CHORDC1: variants seen among roughly 807,000 people sequenced by gnomAD.
CHORDC1 encodes cysteine and histidine-rich domain-containing protein 1.
Under a neutral mutation model 48.3 loss-of-function variants are expected in CHORDC1, and 25 were observed. The observed-to-expected ratio is 0.52, with a 90% CI of 0.38 to 0.72. CHORDC1 has a LOEUF of 0.72. Ranked by LOEUF, CHORDC1 falls within the 30% of genes least tolerant of loss-of-function variation. The pLI is 0.00. For missense variants in CHORDC1, 317 were observed against 388.7 expected (o/e 0.82, Z 1.55); for synonymous variants, 128 against 126.4 (o/e 1.01, Z -0.09).
Position 90,209,776 on chromosome 11 carries a change from A to C in CHORDC1, c.492+760T>G, listed in dbSNP as rs111421924. On this transcript the variant is annotated intron_variant, in intron 6 of 10. Transcript: ENST00000320585. The stretch of plus-strand genomic sequence containing the variant: ...ATCCCACTGTCTGGTCTTCCACAAT[A>C]GCATCCTAGCTGGTTTCTCTTCTTC... Among the ~76,000 whole-genome samples, 475 of 152,266 alleles carry C rather than the reference A, an allele frequency of 3.1e-3. 3 individuals are homozygous for C. Among genetic ancestry groups the C allele is most frequent in the African/African-American group, 0.011 (451 of 41,558 alleles).
intron 6 of CHORDC1, among the ~76,000 whole-genome samples, chr11:90,209,711 G>A (rs11018915): frequency 0.43 from 64,862 of 151,808 alleles, 14,351 homozygotes; most frequent in East Asian, 0.59. Context: ...ATGTTTGACC[G>A]CATCCCACAT....
intron 1 of CHORDC1, among the ~76,000 whole-genome samples, chr11:90,220,679 C>A (rs1858147474): frequency 6.6e-6 from 1 of 152,106 alleles, no homozygotes; most frequent in Non-Finnish European, 1.5e-5. Context: ...AATGGACATT[C>A]TTCATTCTTT....
At position 90,202,473 on chromosome 11, in the gene CHORDC1, G is replaced by C. The variant is rs1204404046; in HGVS notation, c.931C>G (p.Gln311Glu). 3.7e-6 allele frequency: 6 copies of C among 1,612,168 alleles called. No homozygotes were observed. Among genetic ancestry groups the C allele is most frequent in the Non-Finnish European group, 5.1e-6 (6 of 1,179,550 alleles). The change falls in exon 11 of 11, where the codon CAG becomes GAG. Residue 311 changes from glutamine (Q) to glutamate (E), a missense_variant. Gln to Glu is a conservative substitution (Grantham distance 29, BLOSUM62 2). Coordinates refer to ENST00000320585, the MANE Select transcript of CHORDC1 (RefSeq NM_012124.3). ...GCAGGCAGTTCAAGGCTTGCCCACT[G>C]CATCGGTTCAGCTTTTCTCATAGTG... is the stretch of plus-strand genomic sequence containing the variant. ...EITMRKAEPM[Q>E]WASLELPAAK...
chr11:90,203,434 T>C lies in CHORDC1; in HGVS notation c.670-7A>G, dbSNP rs960489588. On this transcript the variant is annotated splice_polypyrimidine_tract_variant and splice_region_variant and intron_variant, in intron 8 of 10. Transcript: ENST00000320585. ...ATGGAACAACTTTTTTCCCCTGTAATGTAAGAGAAACTCTGTAAGTTAAAA... is the reference window on the plus strand; with the variant it reads ...ATGGAACAACTTTTTTCCCCTGTAACGTAAGAGAAACTCTGTAAGTTAAAA... 3.3e-6 allele frequency: 5 copies of C among 1,538,298 alleles called. No homozygotes were observed. The African/African-American group carries it at 4.0e-5, about 12-fold the overall frequency.
intron 9 of CHORDC1, 137 bp from the exon 10 acceptor site, chr11:90,203,012 GAGAAAAGCCACTGACAAAAA>G: frequency 2.6e-6 from 3 of 1,141,278 alleles, no homozygotes; most frequent in Non-Finnish European, 3.6e-6. Context: ...TGTTTCATAT[GAGAAAAGCCACTGACAAAAA>G]AGAATAACTG....
At chr11:90,217,895 C>T (rs76365951) in intron 2 of CHORDC1, 171 of 177,214 alleles carry the variant, frequency 9.6e-4, no homozygotes, top group Middle Eastern at 2.1e-3. Context: ...AACTCCATCT[C>T]AAAAAAAAAA....
chr11:90,207,908 A>G (rs1038680759), intron 6 of CHORDC1: 8 of 152,102 alleles, frequency 5.3e-5, no homozygotes, highest in African/African-American at 1.9e-4. Context: ...TGTTAATGCT[A>G]AAGATATACA....
At position 90,222,980 on chromosome 11, in the gene CHORDC1, G is replaced by T; in HGVS notation, c.-26C>A. On this transcript the variant is annotated 5_prime_UTR_variant, in exon 1 of 11. Coordinates refer to ENST00000320585, the MANE Select transcript of CHORDC1 (RefSeq NM_012124.3). ...TTTCTTTTCCCACCGTCACAGGCAA[G>T]GCCCAAACACCGGGAACGGCAAGAG... is the stretch of plus-strand genomic sequence containing the variant. 2 of 1,602,002 alleles carry T rather than the reference G, an allele frequency of 1.2e-6. No homozygotes were observed. Among genetic ancestry groups the T allele is most frequent in the East Asian group, 2.2e-5 (1 of 44,776 alleles).
chr11:90,201,162 A>T lies in CHORDC1; in HGVS notation c.*1243T>A, dbSNP rs1857535616. ...CTTCTGCAAATTTTTCTTTGTAAGA[A>T]TTCCATAAATACCAAGGAAAAGAAA... On this transcript the variant is annotated 3_prime_UTR_variant, in exon 11 of 11. Coordinates refer to ENST00000320585, the MANE Select transcript of CHORDC1 (RefSeq NM_012124.3). 1 of 152,028 alleles carries T rather than the reference A, an allele frequency of 6.6e-6. No homozygotes were observed. The highest frequency in any genetic ancestry group is 2.4e-5 in the African/African-American group (1 of 41,464). 9.4% of individuals were successfully genotyped at this position (152,028 alleles called of 1,614,324 possible). A position where few individuals can be genotyped will look rare whatever the true frequency, so the allele number is the denominator to read the frequency against.
chr11:90,215,251 A>C, intron 2 of CHORDC1, 21 bp from the exon 3 acceptor site: 1 of 1,499,356 alleles, frequency 6.7e-7, no homozygotes, highest in Admixed American at 2.1e-5. Flanking sequence ...CAAGAGAAGG[A>C]AACTAAAAAC....
chr11:90,213,701 G>T, intron 4 of CHORDC1: 1 of 456,798 alleles, frequency 2.2e-6, no homozygotes, highest in South Asian at 4.8e-5. Flanking sequence ...CTGCTTCAAA[G>T]AATTTTACCA....
chr11:90,218,390 C>G (rs1384694625), intron 1 of CHORDC1, among the ~76,000 whole-genome samples: 1 of 152,052 alleles, frequency 6.6e-6, no homozygotes, highest in Non-Finnish European at 1.5e-5. Context: ...CATATGATGA[C>G]TAAGGACAAA....
chr11:90,204,119 A>C (rs1344256214), intron 8 of CHORDC1, among the ~76,000 whole-genome samples: 1 of 152,124 alleles, frequency 6.6e-6, no homozygotes, highest in African/African-American at 2.4e-5. Context: ...GTTTTGATAA[A>C]ATTACATTAA....
At chr11:90,204,065 A>G (rs1007861545) in intron 8 of CHORDC1, among the ~76,000 whole-genome samples, 2 of 152,178 alleles carry the variant, frequency 1.3e-5, no homozygotes, top group East Asian at 3.8e-4. Flanking sequence ...TAGTTACATA[A>G]TTCAGGAAAC....
At position 90,202,712 on chromosome 11, in the gene CHORDC1, A is replaced by C. The variant is rs540273133; in HGVS notation, c.852+101T>G. On this transcript the variant is annotated intron_variant, in intron 10 of 10. Transcript: ENST00000320585. ...TTGGTAGGATACACTGTTAAGTTAT[A>C]CATCTATACTTTGCATCAATGTTTA... 128 of 1,408,828 alleles carry C rather than the reference A, an allele frequency of 9.1e-5. 1 individual carries two copies. In the African/African-American group the frequency reaches 1.8e-3, roughly 20 times the overall value. The allele number at this position is 1,408,828 out of a possible 1,614,324, so 87.3% of individuals were successfully genotyped here.
At chr11:90,205,952 C>A in intron 7 of CHORDC1, 2 of 497,896 alleles carry the variant, frequency 4.0e-6, no homozygotes, top group East Asian at 3.8e-5. Flanking sequence ...CTTTTAAATA[C>A]AGAATATGAA....
intron 7 of CHORDC1, 83 bp downstream of exon 7, chr11:90,206,119 A>G (rs764462765): frequency 8.2e-6 from 7 of 858,072 alleles, no homozygotes; most frequent in Admixed American, 5.7e-5. Context: ...ATAACACTGC[A>G]TGGCAAACAA....
chr11:90,203,551 G>A (rs1857593775), intron 8 of CHORDC1, 124 bp from the exon 9 acceptor site: 12 of 738,860 alleles, frequency 1.6e-5, no homozygotes, highest in South Asian at 6.9e-5. Flanking sequence ...AATGTTTAAG[G>A]GCAAAAAACT....
chr11:90,222,553 G>A, intron 1 of CHORDC1: 2 of 530,756 alleles, frequency 3.8e-6, no homozygotes, highest in South Asian at 3.2e-5. Context: ...CTTCCCCAGA[G>A]ACTGGAGGGC....
Sources: gnomAD v4.1 joint callset for allele counts (sites outside exome capture counted in the v4.1 genomes callset) on GRCh38, gnomAD v4.1.1 for gene constraint, MANE v1.5 for transcripts, NCBI Gene and HGNC (gene_info 2026-07-23, HGNC 2026-07-21) for gene names.